Variants in AK7 observed in about 807,000 individuals in gnomAD.
AK7 encodes ATP-AMP transphosphorylase 7.
Under a neutral mutation model 96.6 loss-of-function variants are expected in AK7, and 78 were observed. The observed-to-expected ratio is 0.81, with a 90% CI of 0.67 to 0.97. The LOEUF is 0.97. Ranked by LOEUF, AK7 falls within the 50% of genes least tolerant of loss-of-function variation. The probability of loss-of-function intolerance (pLI) is 0.00; values close to 1 mark genes in which losing one functional copy is unlikely to be tolerated. For synonymous variants in AK7, 302 were observed against 317.2 expected (o/e 0.95, Z 0.51); for missense variants, 855 against 887.9 (o/e 0.96, Z 0.47).
At chr14:96,455,198 G>A (rs765487996) in intron 10 of AK7, among the ~76,000 whole-genome samples, 1 of 151,340 alleles carries the variant, frequency 6.6e-6, no homozygotes, top group Non-Finnish European at 1.5e-5. Context: ...AGTAATTAAA[G>A]ACCAAGCCAG....
chr14:96,449,029 G>A (rs1369957208), intron 8 of AK7, among the ~76,000 whole-genome samples: 1 of 151,854 alleles, frequency 6.6e-6, no homozygotes, highest in Non-Finnish European at 1.5e-5. Flanking sequence ...CCTGCTTTTT[G>A]GCTTTATAGA....
intron 14 of AK7, 117 bp from the exon 15 acceptor site, chr14:96,478,348 G>C: frequency 1.0e-6 from 1 of 990,356 alleles, no homozygotes; most frequent in South Asian, 1.5e-5. Context: ...CAATTGGACA[G>C]GCTATTTGTG....
chr14:96,455,116 G>A (rs1038287491), intron 10 of AK7, among the ~76,000 whole-genome samples: 11 of 152,086 alleles, frequency 7.2e-5, no homozygotes, highest in Middle Eastern at 3.2e-3. Flanking sequence ...GCAGTGAGCC[G>A]AGATCATGCC....
Position 96,488,824 on chromosome 14 carries a change from CT to C in AK7, c.*500del, listed in dbSNP as rs11361139. ...GACAAGATTGGTGCCTGTAAGGTGG[CT>C]TTTTTTTTTTTTTTTTTTAAATGAA... On this transcript the variant is annotated 3_prime_UTR_variant, in exon 18 of 18. Coordinates refer to ENST00000267584, the MANE Select transcript of AK7 (RefSeq NM_152327.5). 84,279 of 127,732 alleles carry C rather than the reference CT, an allele frequency of 0.66. 26,472 individuals are homozygous for C. The highest frequency in any genetic ancestry group is 0.82 in the East Asian group (3,671 of 4,452). The allele number at this position is 127,732 out of a possible 1,614,324, so 7.9% of individuals were successfully genotyped here.
chr14:96,406,629 T>G (rs557326693), intron 3 of AK7, among the ~76,000 whole-genome samples: 147 of 152,296 alleles, frequency 9.7e-4, no homozygotes, highest in Non-Finnish European at 1.9e-3. Flanking sequence ...ATGGGGACTT[T>G]GTCATTTTAC....
intron 4 of AK7, among the ~76,000 whole-genome samples, chr14:96,409,673 A>G (rs1054868697): frequency 6.6e-6 from 1 of 152,182 alleles, no homozygotes; most frequent in African/African-American, 2.4e-5. Context: ...ATCACACCAC[A>G]TTCTGTCTTT....
intron 5 of AK7, among the ~76,000 whole-genome samples, chr14:96,434,201 G>A (rs1272800138): frequency 6.6e-6 from 1 of 152,130 alleles, no homozygotes; most frequent in African/African-American, 2.4e-5. Flanking sequence ...GTCCCTCTTG[G>A]GAAGGCATTC....
chr14:96,463,490 C>A (rs532150118), intron 12 of AK7, among the ~76,000 whole-genome samples: 3 of 151,348 alleles, frequency 2.0e-5, no homozygotes, highest in Admixed American at 1.3e-4. Flanking sequence ...GAGGCCGAGG[C>A]GGGCGGATCA....
Position 96,488,288 on chromosome 14 carries a change from C to G in AK7, c.2134-17C>G, listed in dbSNP as rs1330646303. 6.2e-7 allele frequency: 1 copy of G among 1,605,894 alleles called. No homozygotes were observed. Among genetic ancestry groups the G allele is most frequent in the South Asian group, 1.1e-5 (1 of 90,712 alleles). On this transcript the variant is annotated splice_polypyrimidine_tract_variant and intron_variant, in intron 17 of 17. Transcript: ENST00000267584. ...AATAACTTGTAAACTGTTGACTTGT[C>G]TTTTTTTAAATTGTAGGCAGAATAT...
At chr14:96,403,114 T>TAAATAAATAAA in intron 2 of AK7, among the ~76,000 whole-genome samples, 1 of 140,374 alleles carries the variant, frequency 7.1e-6, no homozygotes, top group Non-Finnish European at 1.5e-5. Context: ...AGACTCTGTC[T>TAAATAAATAAA]TAAATAAATA....
intron 1 of AK7, among the ~76,000 whole-genome samples, chr14:96,395,924 G>C (rs969179550): frequency 1.4e-5 from 2 of 140,292 alleles, no homozygotes; most frequent in Admixed American, 8.0e-5. Flanking sequence ...CGATTCTCCT[G>C]CCTCAGCCTC....
intron 5 of AK7, among the ~76,000 whole-genome samples, chr14:96,424,763 A>G (rs1269542971): frequency 6.6e-6 from 1 of 152,344 alleles, no homozygotes; most frequent in Non-Finnish European, 1.5e-5. Flanking sequence ...TTCTGGGCTT[A>G]AAATAAGTAA....
Position 96,483,708 on chromosome 14 carries a change from G to A in AK7, c.1974+489G>A, listed in dbSNP as rs776370799. ...CCCAAAGTGCTGGGATTATAGGCATGAGCCACCATGCCCAGCTTGCTTAGT... is the reference window on the plus strand; with the variant it reads ...CCCAAAGTGCTGGGATTATAGGCATAAGCCACCATGCCCAGCTTGCTTAGT... On this transcript the variant is annotated intron_variant, in intron 16 of 17. Coordinates refer to ENST00000267584, the MANE Select transcript of AK7 (RefSeq NM_152327.5). Among the ~76,000 whole-genome samples, 73 of 152,188 alleles carry A rather than the reference G, an allele frequency of 4.8e-4. 1 individual carries two copies. Among genetic ancestry groups the A allele is most frequent in the Non-Finnish European group, 8.5e-4 (58 of 68,022 alleles).
intron 12 of AK7, among the ~76,000 whole-genome samples, chr14:96,465,428 A>G (rs939384883): frequency 6.6e-6 from 1 of 151,542 alleles, no homozygotes; most frequent in Non-Finnish European, 1.5e-5. Flanking sequence ...ATGCCACTGC[A>G]CTCCAGCCTG....
intron 15 of AK7, among the ~76,000 whole-genome samples, chr14:96,481,352 A>T (rs906876868): frequency 8.0e-4 from 121 of 151,870 alleles, no homozygotes; most frequent in Middle Eastern, 3.4e-3. Context: ...TATTTATTTT[A>T]TTTATTCTTT....
intron 5 of AK7, chr14:96,423,767 A>G: frequency 2.7e-6 from 2 of 733,028 alleles, no homozygotes. Flanking sequence ...CGTGCCGGCC[A>G]CCGGGACCCC....
chr14:96,467,984 C>T (rs995511273), intron 12 of AK7, among the ~76,000 whole-genome samples: 5 of 151,218 alleles, frequency 3.3e-5, no homozygotes, highest in Middle Eastern at 3.4e-3. Context: ...CGCCCGTAAT[C>T]CCAGCGCTTT....
At chr14:96,442,617 A>C in intron 6 of AK7, 113 bp from the exon 7 acceptor site, 1 of 820,664 alleles carries the variant, frequency 1.2e-6, no homozygotes, top group South Asian at 1.4e-5. Context: ...AGAGGAAATT[A>C]CTTAAGCAGA....
intron 5 of AK7, among the ~76,000 whole-genome samples, chr14:96,427,828 C>CTA (rs771110827): frequency 2.2e-4 from 33 of 151,418 alleles, no homozygotes; most frequent in African/African-American, 4.6e-4. Context: ...TCTCCTCTGA[C>CTA]TATATATATA....
Sources: allele counts gnomAD v4.1 joint callset (sites outside exome capture counted in the v4.1 genomes callset), GRCh38; gene constraint gnomAD v4.1.1; transcripts MANE v1.5; gene names NCBI Gene and HGNC (gene_info 2026-07-23, HGNC 2026-07-21).